The following RBFOX1 variants were observed in gnomAD, a reference collection of about 807,000 sequenced individuals.
RBFOX1 encodes the protein RNA binding protein fox-1 homolog 1.
In RBFOX1, 8 loss-of-function variants were observed where a neutral mutation model predicts 57.7. That is an observed-to-expected ratio of 0.14 (90% CI 0.08 to 0.25). RBFOX1 has a LOEUF of 0.25. RBFOX1 is among the 10% of genes least tolerant of loss of function. The pLI is 1.00. For missense variants in RBFOX1, 611 were observed against 548.5 expected (o/e 1.11, Z -1.14); for synonymous variants, 326 against 222.4 (o/e 1.47, Z -4.15).
intron 3 of RBFOX1, among the ~76,000 whole-genome samples, chr16:5,837,539 T>C (rs1020524143): frequency 6.6e-6 from 1 of 150,636 alleles, no homozygotes; most frequent in Admixed American, 6.6e-5. Flanking sequence ...TACCACACAG[T>C]CCCTTGTGTT....
At position 5,247,542 on chromosome 16, in the gene RBFOX1, T is replaced by C. The variant is rs185041432; in HGVS notation, c.219+7437T>C. 6.4e-4 allele frequency among the ~76,000 whole-genome samples: 97 copies of C among 152,362 alleles called. No homozygotes were observed. In the East Asian group the frequency reaches 0.018, roughly 28 times the overall value. Reference sequence around the variant, plus strand: ...ATGGATGGGTCCTTGGAGATCACGCTGTAGCAGAGGAGGCAGGCTACAGCC... The same window carrying C: ...ATGGATGGGTCCTTGGAGATCACGCCGTAGCAGAGGAGGCAGGCTACAGCC... On this transcript the variant is annotated intron_variant, in intron 1 of 2. Coordinates refer to the RBFOX1 transcript ENST00000585867.
At chr16:5,417,381 A>G (rs530782321) in intron 1 of RBFOX1, among the ~76,000 whole-genome samples, 1 of 152,248 alleles carries the variant, frequency 6.6e-6, no homozygotes, top group Non-Finnish European at 1.5e-5. Context: ...CAAAACAGGC[A>G]TGATTGACAA....
rs112942320 is a variant in RBFOX1 at position 7,504,901 on chromosome 16, A to G, written c.28-13246A>G. ...TGTTAGTTTGTATTAATAACAGGCAATAATACGGCATTTGAAGCAATTTCG... is the reference window on the plus strand; with the variant it reads ...TGTTAGTTTGTATTAATAACAGGCAGTAATACGGCATTTGAAGCAATTTCG... On this transcript the variant is annotated intron_variant, in intron 4 of 15. Transcript: ENST00000550418. 3.9e-4 allele frequency among the ~76,000 whole-genome samples: 58 copies of G among 147,306 alleles called. 1 individual carries two copies. Among genetic ancestry groups the G allele is most frequent in the African/African-American group, 1.4e-3 (54 of 38,556 alleles).
At chr16:7,639,928 C>T (rs2062481423) in intron 11 of RBFOX1, among the ~76,000 whole-genome samples, 1 of 152,080 alleles carries the variant, frequency 6.6e-6, no homozygotes, top group African/African-American at 2.4e-5. Flanking sequence ...ATCCAGCTAC[C>T]CCCCACCCAC....
chr16:5,433,957 C>G lies in RBFOX1; in HGVS notation c.220-33259C>G, dbSNP rs992858754. Among the ~76,000 whole-genome samples the G allele has an allele frequency of 1.2e-4, 18 of 152,182 alleles. 2 individuals are homozygous for G. The South Asian group carries it at 2.9e-3, about 25-fold the overall frequency. On this transcript the variant is annotated intron_variant, in intron 1 of 2. Coordinates refer to the RBFOX1 transcript ENST00000585867. ...TGTTTCTCAGTCCAGGCTGCATGTT[C>G]GAATCACCTGGGGGAGTTTGTTAAC...
chr16:5,387,910 C>G (rs1265781229), intron 1 of RBFOX1, among the ~76,000 whole-genome samples: 1 of 152,172 alleles, frequency 6.6e-6, no homozygotes, highest in African/African-American at 2.4e-5. Flanking sequence ...GGCTCAGAAT[C>G]AGAGCGATCT....
At chr16:5,722,756 C>G (rs987511516) in intron 3 of RBFOX1, among the ~76,000 whole-genome samples, 2 of 152,190 alleles carry the variant, frequency 1.3e-5, no homozygotes, top group Admixed American at 6.5e-5. Flanking sequence ...ATATTCCCTG[C>G]CTGGCTTACT....
At chr16:6,605,022 G>A (rs1472794660) in intron 2 of RBFOX1, among the ~76,000 whole-genome samples, 2 of 151,812 alleles carry the variant, frequency 1.3e-5, no homozygotes, top group Non-Finnish European at 2.9e-5. Flanking sequence ...TTTATAGTGT[G>A]TGCATATATA....
rs1318963426 is a variant in RBFOX1 at position 5,856,177 on chromosome 16, CTCTCTCTCTCTA to C, written c.319-11124_319-11113del. On this transcript the variant is annotated intron_variant, in intron 3 of 19. Transcript: ENST00000641259. ...TCTCTCTCTCTCTCTCTCTCTCTCT[CTCTCTCTCTCTA>C]TATATATATATATATATACATATAT... is the stretch of plus-strand genomic sequence containing the variant. Among the ~76,000 whole-genome samples the C allele has an allele frequency of 7.4e-3, 422 of 57,210 alleles. 24 individuals are homozygous for C. In the Admixed American group the frequency reaches 0.089, roughly 12 times the overall value. 37.5% of individuals were successfully genotyped at this position (57,210 alleles called of 152,430 possible).
chr16:6,471,455 C>A (rs1161085105), intron 2 of RBFOX1, among the ~76,000 whole-genome samples: 1 of 152,068 alleles, frequency 6.6e-6, no homozygotes, highest in African/African-American at 2.4e-5. Flanking sequence ...ACTTTGCATT[C>A]TCCAGGCCTA....
chr16:6,857,957 G>C (rs1603633084), intron 3 of RBFOX1, among the ~76,000 whole-genome samples: 3 of 152,146 alleles, frequency 2.0e-5, no homozygotes, highest in Non-Finnish European at 4.4e-5. Flanking sequence ...GACAATACTG[G>C]TTTTTCGTAG....
At chr16:7,453,893 AAAG>A (rs1283694405) in intron 4 of RBFOX1, among the ~76,000 whole-genome samples, 1 of 152,176 alleles carries the variant, frequency 6.6e-6, no homozygotes, top group East Asian at 1.9e-4. Context: ...TTGTCCTCGC[AAAG>A]AAGGAGTGGA....
intron 4 of RBFOX1, among the ~76,000 whole-genome samples, chr16:7,170,893 C>G (rs1228195278): frequency 6.6e-6 from 1 of 152,184 alleles, no homozygotes; most frequent in Non-Finnish European, 1.5e-5. Flanking sequence ...ATCAAAACGT[C>G]CAGCTCTGCT....
At chr16:5,700,301 T>C (rs565949884) in intron 3 of RBFOX1, among the ~76,000 whole-genome samples, 1 of 152,316 alleles carries the variant, frequency 6.6e-6, no homozygotes, top group East Asian at 1.9e-4. Flanking sequence ...CAGTTTTTTT[T>C]TTGGCAAGGG....
chr16:7,058,768 A>G (rs2053303947), intron 4 of RBFOX1, among the ~76,000 whole-genome samples: 1 of 152,108 alleles, frequency 6.6e-6, no homozygotes, highest in African/African-American at 2.4e-5. Flanking sequence ...TTTTTCATTT[A>G]CCGTGGCAAT....
At chr16:6,344,120 G>A (rs1261129860) in intron 2 of RBFOX1, among the ~76,000 whole-genome samples, 3 of 152,116 alleles carry the variant, frequency 2.0e-5, no homozygotes, top group Non-Finnish European at 4.4e-5. Context: ...TCTAGGAGAG[G>A]CACTGCTTGA....
At chr16:7,391,950 A>G (rs2098034072) in intron 4 of RBFOX1, among the ~76,000 whole-genome samples, 1 of 152,192 alleles carries the variant, frequency 6.6e-6, no homozygotes, top group Admixed American at 6.5e-5. Context: ...ATCGCAGCCT[A>G]AACTGTCACT....
chr16:6,779,917 TTATATATATTTA>T (rs1567210140), intron 3 of RBFOX1, among the ~76,000 whole-genome samples: 3 of 2,290 alleles, frequency 1.3e-3, no homozygotes, highest in African/African-American at 2.1e-3. Context: ...ATTTATATAT[TTATATATATTTA>T]TATATATTTA....
At chr16:5,891,448 G>T (rs1238554794) in intron 4 of RBFOX1, among the ~76,000 whole-genome samples, 1 of 152,200 alleles carries the variant, frequency 6.6e-6, no homozygotes, top group Non-Finnish European at 1.5e-5. Flanking sequence ...AACTTTGGTT[G>T]CCATGGAAGC....
Sources: allele counts gnomAD v4.1 joint callset (sites outside exome capture counted in the v4.1 genomes callset), GRCh38; gene constraint gnomAD v4.1.1; transcripts MANE v1.5; gene names NCBI Gene and HGNC (gene_info 2026-07-23, HGNC 2026-07-21).